SCARB2: variants seen among roughly 807,000 people sequenced by gnomAD.
The protein encoded by SCARB2 is lysosome membrane protein 2.
Under a neutral mutation model 58.6 loss-of-function variants are expected in SCARB2, and 29 were observed. The observed-to-expected ratio is 0.49, with a 90% CI of 0.37 to 0.67. SCARB2 has a LOEUF of 0.67. Ranked by LOEUF, SCARB2 falls within the 30% of genes least tolerant of loss-of-function variation. The pLI is 0.00. For synonymous variants in SCARB2, 195 were observed against 210.1 expected (o/e 0.93, Z 0.62); for missense variants, 488 against 578.5 (o/e 0.84, Z 1.60).
intron 9 of SCARB2, among the ~76,000 whole-genome samples, chr4:76,167,411 G>C (rs1438726056): frequency 6.6e-6 from 1 of 152,088 alleles, no homozygotes; most frequent in Non-Finnish European, 1.5e-5. Flanking sequence ...TGCTGTCCTT[G>C]TGATAGTGAG....
At chr4:76,231,370 G>A (rs1296917344) in intron 1 of SCARB2, among the ~76,000 whole-genome samples, 1 of 152,204 alleles carries the variant, frequency 6.6e-6, no homozygotes, top group Non-Finnish European at 1.5e-5. Context: ...TTTCTGAGCT[G>A]CAGCTGGAGA....
At chr4:76,196,719 C>T (rs1732720385) in intron 1 of SCARB2, among the ~76,000 whole-genome samples, 1 of 152,186 alleles carries the variant, frequency 6.6e-6, no homozygotes, top group South Asian at 2.1e-4. Flanking sequence ...AATGGAACTG[C>T]CTATCCCCGT....
chr4:76,198,378 G>T (rs917646700), intron 1 of SCARB2, among the ~76,000 whole-genome samples: 1 of 152,230 alleles, frequency 6.6e-6, no homozygotes, highest in Non-Finnish European at 1.5e-5. Flanking sequence ...CAAGTGGAAG[G>T]GTTTCCAGAA....
In SCARB2 at chr4:76,163,091, C is replaced by T. The variant is rs562168171; in HGVS notation, c.1398+134G>A. ...ATTTGGTCCAGCAGTAAAATAAGCA[C>T]GAAATCACTATGCCCAGCATAAAAT... On this transcript the variant is annotated intron_variant, in intron 11 of 11. Transcript: ENST00000264896. The T allele has an allele frequency of 1.5e-4, 179 of 1,160,390 alleles. No individual in the cohort carries two copies. The African/African-American group carries it at 2.1e-3, about 13-fold the overall frequency. 71.9% of individuals were successfully genotyped at this position (1,160,390 alleles called of 1,614,324 possible).
intron 1 of SCARB2, among the ~76,000 whole-genome samples, chr4:76,204,470 G>A (rs1031143977): frequency 2.6e-5 from 4 of 152,148 alleles, no homozygotes. Flanking sequence ...CAATATGGTG[G>A]AATGACAATC....
intron 1 of SCARB2, among the ~76,000 whole-genome samples, chr4:76,232,602 C>T (rs879371495): frequency 6.6e-6 from 1 of 152,130 alleles, no homozygotes; most frequent in Non-Finnish European, 1.5e-5. Context: ...AAGTCCCATA[C>T]AGTTTTGGAA....
At position 76,176,459 on chromosome 4, in the gene SCARB2, T is replaced by C. The variant is rs767234587; in HGVS notation, c.682A>G (p.Ile228Val). ...GEDSYLNFTK[I>V]VEWNGKTSLD... ...TACGTTTTCCCATTCCATTCCACAA[T>C]TTTTGTAAAGTTAAGGTAACTGTCT... Residue 228 changes from isoleucine to valine, a missense_variant, in exon 5 of 12, where the codon ATT (isoleucine) becomes GTT (valine). Physicochemically the swap from Ile to Val is conservative, Grantham distance 29. Coordinates refer to ENST00000264896, the MANE Select transcript of SCARB2 (RefSeq NM_005506.4). 2 of 1,611,766 alleles carry C rather than the reference T, an allele frequency of 1.2e-6. No individual in the cohort carries two copies. The highest frequency in any genetic ancestry group is 1.3e-5 in the African/African-American group (1 of 75,020).
chr4:76,226,816 A>G (rs4101061), intron 1 of SCARB2, among the ~76,000 whole-genome samples: 48,565 of 152,072 alleles, frequency 0.32, 8,633 homozygotes, highest in East Asian at 0.77. Context: ...TGAATAAAAG[A>G]TGTTCATAGT....
intron 1 of SCARB2, among the ~76,000 whole-genome samples, chr4:76,226,706 G>T (rs1280320119): frequency 6.6e-6 from 1 of 152,172 alleles, no homozygotes; most frequent in African/African-American, 2.4e-5. Flanking sequence ...CTCACTGCTT[G>T]TTACTGGTCT....
chr4:76,198,258 G>A (rs564238196), intron 1 of SCARB2, among the ~76,000 whole-genome samples: 15 of 152,308 alleles, frequency 9.8e-5, no homozygotes, highest in African/African-American at 3.1e-4. Flanking sequence ...AATCACCTCA[G>A]AATTAGGAAC....
chr4:76,190,961 A>C (rs1293919255), intron 2 of SCARB2, among the ~76,000 whole-genome samples: 1 of 152,228 alleles, frequency 6.6e-6, no homozygotes, highest in Non-Finnish European at 1.5e-5. Flanking sequence ...AGACAGTATA[A>C]AAAAAGATTG....
chr4:76,233,391 C>A (rs1733526525), intron 1 of SCARB2, among the ~76,000 whole-genome samples: 1 of 152,158 alleles, frequency 6.6e-6, no homozygotes, highest in Admixed American at 6.5e-5. Context: ...ATGCAGCCCA[C>A]CTATTTACAT....
chr4:76,198,738 C>G (rs188918249), intron 1 of SCARB2, among the ~76,000 whole-genome samples: 1 of 152,218 alleles, frequency 6.6e-6, no homozygotes, highest in African/African-American at 2.4e-5. Context: ...GGTGGCTTTT[C>G]CTGCTGCTTT....
chr4:76,188,437 C>A (rs904065787), intron 2 of SCARB2, among the ~76,000 whole-genome samples: 13 of 152,328 alleles, frequency 8.5e-5, no homozygotes, highest in African/African-American at 2.2e-4. Flanking sequence ...TCTGAACTCC[C>A]CAGTATGTGA....
intron 2 of SCARB2, among the ~76,000 whole-genome samples, chr4:76,187,160 A>G (rs1732503401): frequency 6.6e-6 from 1 of 152,230 alleles, no homozygotes. Context: ...AAACAGAACT[A>G]TAAGAAAATC....
intron 2 of SCARB2, among the ~76,000 whole-genome samples, chr4:76,186,292 G>A (rs1732483624): frequency 6.6e-6 from 1 of 152,180 alleles, no homozygotes; most frequent in African/African-American, 2.4e-5. Flanking sequence ...AAGGTGGGCA[G>A]CAAGCATGAA....
intron 4 of SCARB2, among the ~76,000 whole-genome samples, chr4:76,178,142 T>A (rs1273571175): frequency 6.6e-6 from 1 of 152,216 alleles, no homozygotes; most frequent in Non-Finnish European, 1.5e-5. Context: ...CTATTTTCAA[T>A]TAAGGTTTCT....
chr4:76,166,178 C>A, intron 10 of SCARB2, 72 bp downstream of exon 10: 1 of 1,411,362 alleles, frequency 7.1e-7, no homozygotes, highest in Non-Finnish European at 1.0e-6. Flanking sequence ...CATGTAACTA[C>A]AACAGTAGAC....
In SCARB2 at chr4:76,198,293, T is replaced by C. The variant is rs147839340; in HGVS notation, c.118-2429A>G. ...CCCTGAAAGAATCAGCAAACATAAATGAACAGATGGCTAACCTCCCTGGTT... is the reference window on the plus strand; with the variant it reads ...CCCTGAAAGAATCAGCAAACATAAACGAACAGATGGCTAACCTCCCTGGTT... On this transcript the variant is annotated intron_variant, in intron 1 of 11. Transcript: ENST00000264896. 4.0e-3 allele frequency among the ~76,000 whole-genome samples: 602 copies of C among 152,304 alleles called. 7 individuals carry two copies. Among genetic ancestry groups the C allele is most frequent in the African/African-American group, 0.014 (574 of 41,570 alleles).
Sources: allele counts gnomAD v4.1 joint callset (sites outside exome capture counted in the v4.1 genomes callset), GRCh38; gene constraint gnomAD v4.1.1; transcripts MANE v1.5; gene names NCBI Gene and HGNC (gene_info 2026-07-23, HGNC 2026-07-21).